RIMS1: variants seen among roughly 807,000 people sequenced by gnomAD.
RIMS1 encodes the protein regulating synaptic membrane exocytosis protein 1.
A neutral mutation model predicts 214.1 loss-of-function variants in RIMS1; 83 were observed. The observed-to-expected ratio is 0.39, with a 90% CI of 0.32 to 0.47. RIMS1 has a LOEUF of 0.47. Among genes scored for constraint, RIMS1 ranks in the 20% least tolerant of loss-of-function variants. The pLI, the probability that RIMS1 is intolerant of heterozygous loss-of-function variation, is 0.99. For missense variants in RIMS1, 2,050 were observed against 2,161.8 expected (o/e 0.95, Z 1.03); for synonymous variants, 793 against 786.8 (o/e 1.01, Z -0.13).
At chr6:71,922,656 T>G (rs530955513) in intron 1 of RIMS1, among the ~76,000 whole-genome samples, 1 of 152,144 alleles carries the variant, frequency 6.6e-6, no homozygotes, top group Admixed American at 6.5e-5. Context: ...CCTTTTTGAA[T>G]GAAGTAAGGT....
intron 4 of RIMS1, among the ~76,000 whole-genome samples, chr6:72,121,860 A>G (rs1333942600): frequency 6.6e-6 from 1 of 151,836 alleles, no homozygotes; most frequent in African/African-American, 2.4e-5. Context: ...CTTTTAGGAT[A>G]AAGGGCTGTT....
chr6:72,368,451 G>C (rs923911218), intron 29 of RIMS1, among the ~76,000 whole-genome samples: 12 of 131,102 alleles, frequency 9.2e-5, no homozygotes, highest in Middle Eastern at 4.2e-3. Context: ...ACCACGCCCA[G>C]ATAATTTTTT....
intron 2 of RIMS1, among the ~76,000 whole-genome samples, chr6:72,038,121 ATATATAT>A (rs1820429986): frequency 1.2e-4 from 7 of 60,350 alleles, no homozygotes; most frequent in African/African-American, 2.9e-4. Context: ...AAAAAAAAAT[ATATATAT>A]ATATATATAT....
At chr6:72,071,990 G>A (rs750215307) in intron 2 of RIMS1, among the ~76,000 whole-genome samples, 1 of 152,168 alleles carries the variant, frequency 6.6e-6, no homozygotes, top group Non-Finnish European at 1.5e-5. Context: ...GCCAGTTATG[G>A]AGATAGTGCA....
chr6:72,271,180 C>T (rs562761317), intron 22 of RIMS1, among the ~76,000 whole-genome samples: 9 of 150,372 alleles, frequency 6.0e-5, no homozygotes, highest in South Asian at 2.1e-4. Context: ...GCAGGAGAAT[C>T]GCTTGAACCC....
intron 2 of RIMS1, among the ~76,000 whole-genome samples, chr6:72,004,198 C>T (rs1405407758): frequency 1.3e-5 from 2 of 151,838 alleles, no homozygotes; most frequent in Non-Finnish European, 2.9e-5. Context: ...AGGACATGAA[C>T]TCATCATTTT....
intron 1 of RIMS1, among the ~76,000 whole-genome samples, chr6:71,898,697 T>TA: frequency 6.6e-6 from 1 of 152,244 alleles, no homozygotes; most frequent in Non-Finnish European, 1.5e-5. Context: ...CATCAACTGA[T>TA]AAGAGTTGGC....
intron 29 of RIMS1, among the ~76,000 whole-genome samples, chr6:72,344,025 G>C (rs112005194): frequency 4.0e-5 from 6 of 151,802 alleles, no homozygotes; most frequent in African/African-American, 1.4e-4. Flanking sequence ...ATGAGTTCAA[G>C]GTATTATTTT....
intron 2 of RIMS1, among the ~76,000 whole-genome samples, chr6:72,029,602 C>T (rs1221982210): frequency 6.6e-6 from 1 of 152,078 alleles, no homozygotes; most frequent in Non-Finnish European, 1.5e-5. Context: ...AAATAAATTT[C>T]TGTTATTTAT....
chr6:72,265,138 TA>T, intron 20 of RIMS1, 86 bp downstream of exon 20: 1 of 737,852 alleles, frequency 1.4e-6, no homozygotes, highest in Non-Finnish European at 2.2e-6. Context: ...CACATTCTAA[TA>T]AAATATTAAA....
chr6:72,364,074 T>A (rs1273434635), intron 29 of RIMS1, among the ~76,000 whole-genome samples: 1 of 152,212 alleles, frequency 6.6e-6, no homozygotes, highest in Non-Finnish European at 1.5e-5. Flanking sequence ...ACTCTGGGCC[T>A]TTCCTTTTGC....
chr6:72,217,430 T>G (rs147133291), intron 6 of RIMS1, among the ~76,000 whole-genome samples: 1 of 152,342 alleles, frequency 6.6e-6, no homozygotes, highest in East Asian at 1.9e-4. Flanking sequence ...CATAAAGTTA[T>G]TTTTATGATT....
intron 6 of RIMS1, chr6:72,217,120 GC>G: frequency 6.5e-7 from 1 of 1,529,428 alleles, no homozygotes; most frequent in Non-Finnish European, 8.7e-7. Flanking sequence ...TGCATTTGCT[GC>G]CATTGCTAGC....
intron 11 of RIMS1, among the ~76,000 whole-genome samples, chr6:72,246,326 C>A (rs964969526): frequency 6.6e-6 from 1 of 152,082 alleles, no homozygotes; most frequent in African/African-American, 2.4e-5. Context: ...GAGTAAACTT[C>A]ATTAAACATA....
At chr6:71,897,425 C>G (rs2150407526) in intron 1 of RIMS1, among the ~76,000 whole-genome samples, 1 of 152,230 alleles carries the variant, frequency 6.6e-6, no homozygotes, top group South Asian at 2.1e-4. Flanking sequence ...CTTGCTATTT[C>G]TGTTCTTTGG....
At chr6:72,399,231 A>G (rs2098812732) in intron 33 of RIMS1, 137 bp downstream of exon 33, 1 of 539,326 alleles carries the variant, frequency 1.9e-6, no homozygotes, top group South Asian at 7.9e-5. Flanking sequence ...CAAAATTCAA[A>G]TGGTTAGTTT....
Position 72,235,537 on chromosome 6 carries a change from T to C in RIMS1, c.1747-81T>C, listed in dbSNP as rs1002512612. The C allele has an allele frequency of 4.6e-6, 4 of 875,950 alleles. No homozygotes were observed. The African/African-American group carries it at 5.0e-5, about 11-fold the overall frequency. 54.3% of individuals were successfully genotyped at this position (875,950 alleles called of 1,614,324 possible). ...GCAGTTCTATCCATGTTACCTCTAA[T>C]GACAAGACTTCATTCTTTTTATAGC... is the stretch of plus-strand genomic sequence containing the variant. On this transcript the variant is annotated intron_variant, in intron 7 of 33. Transcript: ENST00000521978.
chr6:71,939,332 A>G (rs1785356867), intron 1 of RIMS1, among the ~76,000 whole-genome samples: 1 of 152,156 alleles, frequency 6.6e-6, no homozygotes, highest in Non-Finnish European at 1.5e-5. Flanking sequence ...ATCAATCTTC[A>G]TGCTCTACTC....
intron 2 of RIMS1, among the ~76,000 whole-genome samples, chr6:72,092,291 C>CCCTTCCTTCCTTCCTTCCTTCCTTCCTT (rs1554220983): frequency 4.6e-3 from 495 of 107,712 alleles, no homozygotes; most frequent in African/African-American, 8.5e-3. Flanking sequence ...CTCCCTCCCT[C>CCCTTCCTTCCTTCCTTCCTTCCTTCCTT]CCTTCCTTCC....
Sources: gnomAD v4.1 joint callset for allele counts (sites outside exome capture counted in the v4.1 genomes callset) on GRCh38, gnomAD v4.1.1 for gene constraint, MANE v1.5 for transcripts, NCBI Gene and HGNC (gene_info 2026-07-23, HGNC 2026-07-21) for gene names.